FREM2: variants seen among roughly 807,000 people sequenced by gnomAD.
FREM2 encodes FRAS1 related extracellular matrix 2, also known as FRAS1-related extracellular matrix protein 2.
Under a neutral mutation model 219.9 loss-of-function variants are expected in FREM2, and 119 were observed. The ratio of observed to expected loss-of-function variants is 0.54; its 90% CI spans 0.47 to 0.63. The LOEUF is 0.63. Among genes scored for constraint, FREM2 ranks in the 30% least tolerant of loss-of-function variants. FREM2 has a pLI of 0.00. For missense variants in FREM2, 4,030 were observed against 3,993.6 expected, an observed-to-expected ratio of 1.01 and a Z score of -0.25; for synonymous variants, 1,562 against 1,522.8, an observed-to-expected ratio of 1.03 and a Z score of -0.60.
chr13:38,813,537 C>T (rs1875611371), intron 6 of FREM2, among the ~76,000 whole-genome samples: 4 of 22,406 alleles, frequency 1.8e-4, no homozygotes, highest in African/African-American at 9.0e-4. Flanking sequence ...CTCTCTCTCT[C>T]TCTCTCTCTC....
intron 2 of FREM2, among the ~76,000 whole-genome samples, chr13:38,708,072 C>T (rs140139173): frequency 4.1e-4 from 63 of 152,220 alleles, no homozygotes; most frequent in African/African-American, 1.1e-3. Flanking sequence ...TCTTAAATGA[C>T]GTAACAGATG....
At chr13:38,711,889 G>A (rs1245603282) in intron 2 of FREM2, among the ~76,000 whole-genome samples, 2 of 147,058 alleles carry the variant, frequency 1.4e-5, no homozygotes, top group Admixed American at 6.8e-5. Flanking sequence ...GGCTTATCTT[G>A]TGGGTCTCTG....
chr13:38,785,295 G>T (rs1444431150), intron 6 of FREM2, among the ~76,000 whole-genome samples: 1 of 152,168 alleles, frequency 6.6e-6, no homozygotes, highest in Non-Finnish European at 1.5e-5. Flanking sequence ...AAACAGGAGG[G>T]AGAGAATATC....
intron 6 of FREM2, among the ~76,000 whole-genome samples, chr13:38,791,973 T>C (rs1206277735): frequency 6.6e-6 from 1 of 152,184 alleles, no homozygotes; most frequent in Non-Finnish European, 1.5e-5. Context: ...TAATGGGAAG[T>C]CCTTATTGTT....
intron 2 of FREM2, among the ~76,000 whole-genome samples, chr13:38,721,396 G>T (rs188429804): frequency 5.3e-5 from 8 of 152,272 alleles, no homozygotes; most frequent in Middle Eastern, 3.4e-3. Flanking sequence ...AGCCATGGGT[G>T]AGGACAGCAG....
Position 38,689,419 on chromosome 13 carries a change from G to A in FREM2, c.2075G>A (p.Arg692His), listed in dbSNP as rs367642497. Reference protein sequence around the residue: ...NQSGLQRFVIRIHPVDRLPPE... With the variant: ...NQSGLQRFVIHIHPVDRLPPE... ...TCCGGGCTACAGCGGTTTGTGATTCGTATCCATCCTGTGGATCGCCTCCCT... is the reference window on the plus strand; with the variant it reads ...TCCGGGCTACAGCGGTTTGTGATTCATATCCATCCTGTGGATCGCCTCCCT... The change falls in exon 1 of 24, where the codon CGT (arginine) becomes CAT (histidine). Residue 692 changes from arginine (R) to histidine (H), a missense_variant. Arg to His is a conservative substitution (Grantham distance 29, BLOSUM62 0). Transcript: ENST00000280481. 39 of 1,613,836 alleles carry A rather than the reference G, an allele frequency of 2.4e-5. No individual in the cohort carries two copies. Among genetic ancestry groups the A allele is most frequent in the African/African-American group, 2.4e-4 (18 of 74,890 alleles).
chr13:38,865,115 TTC>T (rs1877913058), intron 16 of FREM2, among the ~76,000 whole-genome samples: 1 of 152,222 alleles, frequency 6.6e-6, no homozygotes, highest in South Asian at 2.1e-4. Flanking sequence ...TTCTTTTTCT[TTC>T]TGTTTTTCTC....
chr13:38,697,449 G>A (rs1489614613), intron 1 of FREM2, among the ~76,000 whole-genome samples: 1 of 152,112 alleles, frequency 6.6e-6, no homozygotes, highest in East Asian at 1.9e-4. Context: ...CACTGGGAGG[G>A]GAAACACCTT....
At chr13:38,848,325 ATGTACTTTTC>A in intron 7 of FREM2, 126 bp from the exon 8 acceptor site, 1 of 711,192 alleles carries the variant, frequency 1.4e-6, no homozygotes, top group Non-Finnish European at 2.4e-6. Context: ...CTTTTATTAA[ATGTACTTTTC>A]TGTAGAGTTA....
At chr13:38,764,525 G>A (rs1462098899) in intron 3 of FREM2, 75 bp downstream of exon 3, 11 of 904,570 alleles carry the variant, frequency 1.2e-5, no homozygotes, top group Non-Finnish European at 1.7e-5. Flanking sequence ...AGTGATTAAA[G>A]TATCAGTTTA....
At chr13:38,715,513 A>T (rs1870962482) in intron 2 of FREM2, among the ~76,000 whole-genome samples, 1 of 152,188 alleles carries the variant, frequency 6.6e-6, no homozygotes, top group Non-Finnish European at 1.5e-5. Flanking sequence ...AGTCTGTGGA[A>T]CACCTATCAG....
chr13:38,850,532 A>G (rs1877331703), intron 9 of FREM2, among the ~76,000 whole-genome samples: 1 of 152,342 alleles, frequency 6.6e-6, no homozygotes, highest in Non-Finnish European at 1.5e-5. Context: ...ACTTGGCTCA[A>G]TGATTTGTTT....
intron 13 of FREM2, 149 bp from the exon 14 acceptor site, chr13:38,859,138 A>G: frequency 1.4e-6 from 1 of 708,456 alleles, no homozygotes; most frequent in Non-Finnish European, 2.5e-6. Context: ...AAATGTTATC[A>G]TGCCTGGGGA....
intron 6 of FREM2, among the ~76,000 whole-genome samples, chr13:38,822,473 C>T (rs1876104362): frequency 6.6e-6 from 1 of 151,024 alleles, no homozygotes; most frequent in Non-Finnish European, 1.5e-5. Flanking sequence ...CTCAGTGCTG[C>T]AAGATGATCC....
intron 6 of FREM2, among the ~76,000 whole-genome samples, chr13:38,804,726 T>TGAA (rs1442072840): frequency 3.3e-5 from 5 of 152,114 alleles, no homozygotes; most frequent in African/African-American, 1.2e-4. Context: ...TGTAGATGAA[T>TGAA]GAAGAATAAG....
Position 38,859,414 on chromosome 13 carries a change from G to A in FREM2, c.7343G>A (p.Ser2448Asn), listed in dbSNP as rs754522372. 9.3e-6 allele frequency: 15 copies of A among 1,614,150 alleles called. No homozygotes were observed. Among genetic ancestry groups the A allele is most frequent in the Middle Eastern group, 3.3e-4 (2 of 6,062 alleles). ...SAPAGPDGVTSPMREVDFDTF... is the reference protein window; with the variant it reads ...SAPAGPDGVTNPMREVDFDTF... ...CCTGCGGGCCCTGACGGTGTGACCA[G>A]CCCTATGAGAGAAGTGGACTTCGAC... The change falls in exon 14 of 24, where the codon AGC becomes AAC. Residue 2448 changes from serine to asparagine, a missense_variant. By Grantham distance (46) the Ser-to-Asn change is conservative (BLOSUM62 1). Coordinates refer to ENST00000280481, the MANE Select transcript of FREM2 (RefSeq NM_207361.6).
chr13:38,777,450 A>G (rs1873917470), intron 4 of FREM2, among the ~76,000 whole-genome samples: 2 of 151,862 alleles, frequency 1.3e-5, no homozygotes, highest in South Asian at 4.2e-4. Context: ...CTGGGTTGAA[A>G]CCCCAGCATC....
chr13:38,798,433 G>T (rs1874877779), intron 6 of FREM2, among the ~76,000 whole-genome samples: 1 of 151,874 alleles, frequency 6.6e-6, no homozygotes, highest in Admixed American at 6.6e-5. Flanking sequence ...TGTTGTTATT[G>T]TTGTTGTGTC....
At chr13:38,783,049 G>A (rs1184354870) in intron 4 of FREM2, 21 bp from the exon 5 acceptor site, 1 of 1,612,484 alleles carries the variant, frequency 6.2e-7, no homozygotes. Flanking sequence ...AATAATGCTT[G>A]CAATTGTGTT....
Sources: gnomAD v4.1 joint callset for allele counts (sites outside exome capture counted in the v4.1 genomes callset) on GRCh38, gnomAD v4.1.1 for gene constraint, MANE v1.5 for transcripts, NCBI Gene and HGNC (gene_info 2026-07-23, HGNC 2026-07-21) for gene names.